Variants in CACNA2D3 observed in about 807,000 individuals in gnomAD.
The protein encoded by CACNA2D3 is voltage-dependent calcium channel subunit alpha-2/delta-3.
CACNA2D3 carries 60 observed loss-of-function variants against 160.6 expected under a neutral mutation model. That is an observed-to-expected ratio of 0.37 (90% CI 0.30 to 0.46). The LOEUF (loss-of-function observed/expected upper bound fraction) is 0.46. CACNA2D3 is among the 20% of genes least tolerant of loss of function. The pLI is 1.00. For missense variants in CACNA2D3, 1,205 were observed against 1,365.0 expected (o/e 0.88, Z 1.85); for synonymous variants, 558 against 492.9 (o/e 1.13, Z -1.75).
chr3:54,724,039 C>T (rs1701228520), intron 11 of CACNA2D3, among the ~76,000 whole-genome samples: 1 of 150,022 alleles, frequency 6.7e-6, no homozygotes, highest in Non-Finnish European at 1.5e-5. Flanking sequence ...CACGTGCAGA[C>T]ACACATAGGC....
At chr3:54,678,720 C>CAAAAAAAAAAAAAAAAAAAAAA (rs71096434) in intron 11 of CACNA2D3, among the ~76,000 whole-genome samples, 3 of 45,918 alleles carry the variant, frequency 6.5e-5, no homozygotes, top group Non-Finnish European at 7.1e-5. Flanking sequence ...GACTCGGTCT[C>CAAAAAAAAAAAAAAAAAAAAAA]AAAAAAAAAA....
At position 54,574,479 on chromosome 3, in the gene CACNA2D3, G is replaced by A. The variant is rs374894399; in HGVS notation, c.888+4375G>A. On this transcript the variant is annotated intron_variant, in intron 8 of 37. Coordinates refer to ENST00000474759, the MANE Select transcript of CACNA2D3 (RefSeq NM_018398.3). ...AGAGATAATGTTAAAAATTGTTTTAGCTCTCATGGGCAAGGTATTACAAGA... is the reference window on the plus strand; with the variant it reads ...AGAGATAATGTTAAAAATTGTTTTAACTCTCATGGGCAAGGTATTACAAGA... Among the ~76,000 whole-genome samples the A allele has an allele frequency of 1.4e-4, 21 of 152,226 alleles. 1 individual carries two copies. The highest frequency in any genetic ancestry group is 5.1e-4 in the African/African-American group (21 of 41,548).
At chr3:54,228,930 C>T (rs2107389045) in intron 2 of CACNA2D3, among the ~76,000 whole-genome samples, 1 of 152,324 alleles carries the variant, frequency 6.6e-6, no homozygotes, top group South Asian at 2.1e-4. Context: ...TTCCAGAGGC[C>T]AGTTGCATCA....
chr3:54,562,695 G>C, intron 5 of CACNA2D3, 105 bp from the exon 6 acceptor site: 1 of 950,792 alleles, frequency 1.1e-6, no homozygotes, highest in Non-Finnish European at 1.6e-6. Context: ...CCTCCTGCAA[G>C]ATGGAGTACC....
intron 14 of CACNA2D3, among the ~76,000 whole-genome samples, chr3:54,835,085 G>A (rs1698647511): frequency 6.6e-6 from 1 of 152,194 alleles, no homozygotes; most frequent in African/African-American, 2.4e-5. Context: ...TAGCCAAGTT[G>A]ACACATAAAA....
chr3:54,710,914 A>T (rs1038034475), intron 11 of CACNA2D3, among the ~76,000 whole-genome samples: 3 of 152,228 alleles, frequency 2.0e-5, no homozygotes, highest in Non-Finnish European at 4.4e-5. Flanking sequence ...AAAAAGTCAG[A>T]GGCCCAGCTG....
intron 13 of CACNA2D3, among the ~76,000 whole-genome samples, chr3:54,814,369 T>C (rs1408996149): frequency 6.6e-6 from 1 of 152,230 alleles, no homozygotes; most frequent in East Asian, 1.9e-4. Context: ...CTGGAAGGCA[T>C]ATGCCTCAAG....
chr3:54,334,293 G>T (rs1704328677), intron 3 of CACNA2D3, among the ~76,000 whole-genome samples: 1 of 152,094 alleles, frequency 6.6e-6, no homozygotes, highest in African/African-American at 2.4e-5. Flanking sequence ...CACCATGTTG[G>T]CCAGGCTGGT....
intron 17 of CACNA2D3, among the ~76,000 whole-genome samples, chr3:54,870,585 TGTCCAGACACAAGAAC>T (rs1275418736): frequency 2.0e-5 from 3 of 152,142 alleles, no homozygotes; most frequent in Admixed American, 2.0e-4. Flanking sequence ...GACACAAGAA[TGTCCAGACACAAGAAC>T]GTCCGGTCGA....
chr3:54,507,836 G>A (rs867923535), intron 5 of CACNA2D3, among the ~76,000 whole-genome samples: 4 of 152,122 alleles, frequency 2.6e-5, no homozygotes, highest in African/African-American at 9.7e-5. Context: ...CCTGTGCCTC[G>A]TTTTCCTCAT....
Position 54,514,195 on chromosome 3 carries a change from T to C in CACNA2D3, c.544+10541T>C, listed in dbSNP as rs12330508. 4.8e-3 allele frequency among the ~76,000 whole-genome samples: 733 copies of C among 152,276 alleles called. 1 individual carries two copies. Among genetic ancestry groups the C allele is most frequent in the African/African-American group, 0.017 (712 of 41,542 alleles). ...AATTCTGCATCAGAATGCCAATGGG[T>C]ACCAACTGCTCACACATAGGGGATA... On this transcript the variant is annotated intron_variant, in intron 5 of 37. Coordinates refer to ENST00000474759, the MANE Select transcript of CACNA2D3 (RefSeq NM_018398.3).
intron 27 of CACNA2D3, among the ~76,000 whole-genome samples, chr3:54,946,284 C>T (rs1454461263): frequency 1.3e-5 from 2 of 152,118 alleles, no homozygotes; most frequent in African/African-American, 2.4e-5. Context: ...GTTGAGTGCC[C>T]CCTCTTATAC....
intron 31 of CACNA2D3, among the ~76,000 whole-genome samples, chr3:54,988,022 T>A (rs1171913516): frequency 6.6e-6 from 1 of 152,206 alleles, no homozygotes; most frequent in Non-Finnish European, 1.5e-5. Flanking sequence ...TGCACTGTGA[T>A]GTGATTATGT....
intron 4 of CACNA2D3, among the ~76,000 whole-genome samples, chr3:54,501,171 C>G (rs1470001722): frequency 2.6e-5 from 4 of 152,128 alleles, no homozygotes; most frequent in African/African-American, 7.2e-5. Flanking sequence ...AATGACCACA[C>G]CACTTATTAC....
At chr3:54,774,985 G>A (rs1223493093) in intron 13 of CACNA2D3, among the ~76,000 whole-genome samples, 1 of 151,996 alleles carries the variant, frequency 6.6e-6, no homozygotes, top group African/African-American at 2.4e-5. Flanking sequence ...CTCTCTACAT[G>A]GTGCCAAAAA....
At chr3:54,318,391 G>A (rs187119912) in intron 2 of CACNA2D3, among the ~76,000 whole-genome samples, 1 of 152,114 alleles carries the variant, frequency 6.6e-6, no homozygotes, top group South Asian at 2.1e-4. Context: ...GGAGCGGGGG[G>A]AAACATGAAA....
chr3:54,655,369 G>A (rs1182942550), intron 11 of CACNA2D3, among the ~76,000 whole-genome samples: 1 of 152,194 alleles, frequency 6.6e-6, no homozygotes, highest in Admixed American at 6.5e-5. Flanking sequence ...TCAGTGCTGG[G>A]CACACAGCAG....
chr3:54,892,783 G>A (rs1219054115), intron 25 of CACNA2D3, among the ~76,000 whole-genome samples: 1 of 152,134 alleles, frequency 6.6e-6, no homozygotes, highest in African/African-American at 2.4e-5. Flanking sequence ...ACTGAAACAA[G>A]CAAAGCTGCA....
intron 11 of CACNA2D3, among the ~76,000 whole-genome samples, chr3:54,746,920 A>T (rs1374442789): frequency 6.6e-6 from 1 of 152,148 alleles, no homozygotes; most frequent in Non-Finnish European, 1.5e-5. Context: ...CCTGCTTGCC[A>T]AGTCTGGCTG....
Sources: gnomAD v4.1 joint callset for allele counts (sites outside exome capture counted in the v4.1 genomes callset) on GRCh38, gnomAD v4.1.1 for gene constraint, MANE v1.5 for transcripts, NCBI Gene and HGNC (gene_info 2026-07-23, HGNC 2026-07-21) for gene names.